Variants in GRIP1 observed in about 807,000 individuals in gnomAD.
The protein encoded by GRIP1 is glutamate receptor-interacting protein 1.
Under a neutral mutation model 129.9 loss-of-function variants are expected in GRIP1, and 45 were observed. The observed-to-expected ratio is 0.35, with a 90% CI of 0.27 to 0.44. The LOEUF is 0.44. Ranked by LOEUF, GRIP1 falls within the 20% of genes least tolerant of loss-of-function variation. The pLI is 1.00. For synonymous variants in GRIP1, 530 were observed against 520.8 expected (o/e 1.02, Z -0.24); for missense variants, 1,196 against 1,396.8 (o/e 0.86, Z 2.29).
intron 7 of GRIP1, among the ~76,000 whole-genome samples, chr12:66,507,273 C>A (rs1393549541): frequency 1.3e-5 from 2 of 152,006 alleles, no homozygotes; most frequent in African/African-American, 4.8e-5. Flanking sequence ...CCTGTCTCTA[C>A]TAAAAATACA....
intron 1 of GRIP1, among the ~76,000 whole-genome samples, chr12:66,791,140 C>T (rs1004358077): frequency 5.9e-5 from 9 of 152,146 alleles, no homozygotes; most frequent in Admixed American, 6.6e-5. Context: ...CACAAGGCAT[C>T]GCTCAATCAC....
intron 1 of GRIP1, among the ~76,000 whole-genome samples, chr12:67,000,559 T>G (rs2042536769): frequency 6.6e-6 from 1 of 152,222 alleles, no homozygotes; most frequent in Non-Finnish European, 1.5e-5. Context: ...CTTCCATCCA[T>G]GTTAGCTTTG....
chr12:66,886,723 A>C (rs2040571703), intron 1 of GRIP1, among the ~76,000 whole-genome samples: 1 of 152,194 alleles, frequency 6.6e-6, no homozygotes, highest in Admixed American at 6.5e-5. Context: ...AATAAGAGCA[A>C]GATAAAATTA....
intron 2 of GRIP1, among the ~76,000 whole-genome samples, chr12:66,578,456 T>A (rs1007413075): frequency 6.6e-6 from 1 of 152,124 alleles, no homozygotes; most frequent in Non-Finnish European, 1.5e-5. Context: ...GGGCGAGGCA[T>A]TGCCTCACTC....
intron 12 of GRIP1, among the ~76,000 whole-genome samples, chr12:66,445,120 C>A (rs1342510513): frequency 6.6e-6 from 1 of 152,170 alleles, no homozygotes; most frequent in Admixed American, 6.5e-5. Context: ...CCTTGATGGA[C>A]AAAATCTGCT....
intron 23 of GRIP1, among the ~76,000 whole-genome samples, chr12:66,359,706 A>C (rs559938007): frequency 6.6e-6 from 1 of 152,374 alleles, no homozygotes; most frequent in African/African-American, 2.4e-5. Context: ...AGCCAGCTAT[A>C]TGGTTCTCCT....
chr12:66,617,428 T>C (rs1188896856), intron 1 of GRIP1, among the ~76,000 whole-genome samples: 3 of 152,098 alleles, frequency 2.0e-5, no homozygotes, highest in Non-Finnish European at 4.4e-5. Flanking sequence ...GCTAATGATA[T>C]CAGCGAACTT....
intron 1 of GRIP1, among the ~76,000 whole-genome samples, chr12:67,053,410 C>T (rs2135858480): frequency 6.6e-6 from 1 of 152,322 alleles, no homozygotes; most frequent in Non-Finnish European, 1.5e-5. Flanking sequence ...CATGTCTTGA[C>T]CCATGGCAGG....
At chr12:66,813,202 G>C (rs2039137103) in intron 1 of GRIP1, among the ~76,000 whole-genome samples, 1 of 152,198 alleles carries the variant, frequency 6.6e-6, no homozygotes, top group South Asian at 2.1e-4. Context: ...AGAAGGTAAA[G>C]GGGAAGCAAG....
At chr12:66,719,350 C>T (rs1253281079) in intron 1 of GRIP1, among the ~76,000 whole-genome samples, 1 of 152,112 alleles carries the variant, frequency 6.6e-6, no homozygotes, top group African/African-American at 2.4e-5. Context: ...GGAATGGGTT[C>T]CATTGAGGAG....
In GRIP1 at chr12:66,485,001, G is replaced by A. The variant is rs1441755572; in HGVS notation, c.725-19579C>T. ...TATTGCTGCTATGAACATTCTAGTTGTCTTTGGTGAGAATGGGTATGCATT... is the reference window on the plus strand; with the variant it reads ...TATTGCTGCTATGAACATTCTAGTTATCTTTGGTGAGAATGGGTATGCATT... On this transcript the variant is annotated intron_variant, in intron 7 of 24. Transcript: ENST00000359742. Among the ~76,000 whole-genome samples the A allele has an allele frequency of 3.3e-5, 5 of 152,258 alleles. No homozygotes were observed. In the South Asian group the frequency reaches 6.2e-4, roughly 19 times the overall value.
chr12:67,041,385 CAT>C (rs1302562055), intron 1 of GRIP1, among the ~76,000 whole-genome samples: 1 of 151,846 alleles, frequency 6.6e-6, no homozygotes, highest in Non-Finnish European at 1.5e-5. Context: ...TGTATATACA[CAT>C]ATATATGGAG....
At chr12:66,801,254 C>T (rs1199909696) in intron 1 of GRIP1, among the ~76,000 whole-genome samples, 1 of 152,006 alleles carries the variant, frequency 6.6e-6, no homozygotes, top group Admixed American at 6.6e-5. Flanking sequence ...TATTTAAACT[C>T]TAACTCTAGA....
At chr12:67,044,303 G>A (rs891759673) in intron 1 of GRIP1, among the ~76,000 whole-genome samples, 4 of 152,134 alleles carry the variant, frequency 2.6e-5, no homozygotes, top group South Asian at 2.1e-4. Context: ...TTTAATATGC[G>A]AATTGCTCCC....
intron 1 of GRIP1, among the ~76,000 whole-genome samples, chr12:66,690,371 TACACACAC>T (rs112206335): frequency 2.2e-4 from 33 of 147,896 alleles, no homozygotes; most frequent in African/African-American, 7.2e-4. Flanking sequence ...TCAATAATAT[TACACACAC>T]ACACACACAC....
intron 2 of GRIP1, among the ~76,000 whole-genome samples, chr12:66,572,504 T>C (rs1409066451): frequency 1.4e-4 from 21 of 152,178 alleles, no homozygotes; most frequent in Admixed American, 1.3e-3. Context: ...TGGGGTGTTC[T>C]AGTTTCCATT....
At chr12:66,532,880 A>G (rs2061499543) in intron 4 of GRIP1, among the ~76,000 whole-genome samples, 1 of 152,132 alleles carries the variant, frequency 6.6e-6, no homozygotes, top group Non-Finnish European at 1.5e-5. Context: ...GTTAAAAATG[A>G]CTCCTTAGGA....
intron 15 of GRIP1, among the ~76,000 whole-genome samples, chr12:66,413,168 G>A (rs1487212848): frequency 2.0e-5 from 3 of 152,056 alleles, no homozygotes; most frequent in African/African-American, 7.2e-5. Flanking sequence ...TCTTCTCATT[G>A]CCACATGACA....
At chr12:66,533,596 G>C (rs1036426136) in intron 4 of GRIP1, among the ~76,000 whole-genome samples, 5 of 152,204 alleles carry the variant, frequency 3.3e-5, no homozygotes, top group Middle Eastern at 3.4e-3. Flanking sequence ...AGTGAGCCGA[G>C]ATTGTGCCAC....
Sources: gnomAD v4.1 joint callset for allele counts (sites outside exome capture counted in the v4.1 genomes callset) on GRCh38, gnomAD v4.1.1 for gene constraint, MANE v1.5 for transcripts, NCBI Gene and HGNC (gene_info 2026-07-23, HGNC 2026-07-21) for gene names.